Variants in GRIP2 observed in about 807,000 individuals in gnomAD.
GRIP2 encodes glutamate receptor-interacting protein 2.
Under a neutral mutation model 108.3 loss-of-function variants are expected in GRIP2, and 58 were observed. The ratio of observed to expected loss-of-function variants is 0.54; its 90% CI spans 0.43 to 0.67. GRIP2 has a LOEUF of 0.67. GRIP2 is among the 30% of genes least tolerant of loss of function. The probability of loss-of-function intolerance (pLI) is 0.00; values close to 1 mark genes in which losing one functional copy is unlikely to be tolerated. For synonymous variants in GRIP2, 586 were observed against 598.2 expected, an observed-to-expected ratio of 0.98 and a Z score of 0.30; for missense variants, 1,278 against 1,430.6, an observed-to-expected ratio of 0.89 and a Z score of 1.72.
the GRIP2 span, among the ~76,000 whole-genome samples, chr3:14,591,946 ATC>A: frequency 6.6e-6 from 1 of 152,232 alleles, no homozygotes; most frequent in African/African-American, 2.4e-5. Context: ...CTGTATCCAC[ATC>A]TGTCTGCTCT....
At chr3:14,569,629 G>A in the GRIP2 span, among the ~76,000 whole-genome samples, 1 of 152,144 alleles carries the variant, frequency 6.6e-6, no homozygotes, top group Non-Finnish European at 1.5e-5. Flanking sequence ...AGCCAGTGTG[G>A]GGGTGCTGCA....
intron 21 of GRIP2, among the ~76,000 whole-genome samples, chr3:14,502,028 A>T (rs1224126609): frequency 6.6e-6 from 1 of 152,190 alleles, no homozygotes; most frequent in Non-Finnish European, 1.5e-5. Context: ...TATATACTAG[A>T]ATTAAGTTTA....
chr3:14,580,630 C>T, the GRIP2 span, among the ~76,000 whole-genome samples: 2 of 152,164 alleles, frequency 1.3e-5, no homozygotes, highest in African/African-American at 4.8e-5. Flanking sequence ...TAGTTTGAGG[C>T]TGCAGTGAGC....
the GRIP2 span, among the ~76,000 whole-genome samples, chr3:14,598,163 C>T: frequency 6.6e-6 from 1 of 151,950 alleles, no homozygotes; most frequent in East Asian, 1.9e-4. Context: ...GGGCAATGAA[C>T]ATTCATGGCT....
upstream of GRIP2, chr3:14,540,365 C>T: frequency 1.2e-6 from 2 of 1,610,822 alleles, no homozygotes; most frequent in South Asian, 1.1e-5. This position sits in a 1 kb window ranked among gnomAD's most constrained non-coding sequence, Gnocchi z 4.1. Context: ...CGCTGCTTGG[C>T]CCTCCCTCCC....
At chr3:14,574,199 G>C in the GRIP2 span, 2 of 875,912 alleles carry the variant, frequency 2.3e-6, no homozygotes, top group Non-Finnish European at 2.0e-6. Context: ...GCCAGTGGGT[G>C]AAGAAGGGCC....
At chr3:14,556,710 T>G (rs1695241961), upstream of GRIP2, among the ~76,000 whole-genome samples, 1 of 152,186 alleles carries the variant, frequency 6.6e-6, no homozygotes, top group African/African-American at 2.4e-5. Flanking sequence ...TTTTGGGGAC[T>G]ATGTGTGAGT....
chr3:14,580,180 A>T, the GRIP2 span, among the ~76,000 whole-genome samples: 2 of 152,184 alleles, frequency 1.3e-5, no homozygotes, highest in African/African-American at 4.8e-5. Flanking sequence ...CTAAGCCAAC[A>T]CTCATTTACA....
Position 14,521,828 on chromosome 3 carries a change from C to A in GRIP2, c.567-41G>T. ...AGTCACCAGCCTGGCCCGGCAGCAGCACTGGGCACAGCCTGTCTGGGAGGG... is the reference window on the plus strand; with the variant it reads ...AGTCACCAGCCTGGCCCGGCAGCAGAACTGGGCACAGCCTGTCTGGGAGGG... On this transcript the variant is annotated intron_variant, in intron 6 of 23. Coordinates refer to ENST00000621039, the MANE Select transcript of GRIP2 (RefSeq NM_001080423.4). The surrounding 1 kb of genome is among the most constrained non-coding windows in gnomAD (Gnocchi z 5.1). 2 of 1,527,644 alleles carry A rather than the reference C, an allele frequency of 1.3e-6. No individual in the cohort carries two copies. The highest frequency in any genetic ancestry group is 2.0e-5 in the Admixed American group (1 of 49,732). 94.6% of individuals were successfully genotyped at this position (1,527,644 alleles called of 1,614,324 possible).
In GRIP2 at chr3:14,496,424, A is replaced by G; in HGVS notation, c.2816T>C (p.Met939Thr). 1.2e-6 allele frequency: 2 copies of G among 1,610,604 alleles called. No individual in the cohort carries two copies. The highest frequency in any genetic ancestry group is 8.5e-7 in the Non-Finnish European group (1 of 1,178,090). Reference sequence around the variant, plus strand: ...CTCACCCCCTGTGCCTACCTTGTGCATCTCCAAGGGTGTAGGCAGCAACAG... The same window carrying G: ...CTCACCCCCTGTGCCTACCTTGTGCGTCTCCAAGGGTGTAGGCAGCAACAG... ...EELLLPTPLE[M>T]HKVTLHKDPM... Residue 939 changes from methionine to threonine, a missense_variant, in exon 22 of 24, where the codon ATG (methionine) becomes ACG (threonine). Met to Thr is a moderately conservative substitution (Grantham distance 81, BLOSUM62 -1). Transcript: ENST00000621039.
At chr3:14,532,734 A>C (rs1694741189) in intron 1 of GRIP2, among the ~76,000 whole-genome samples, 3 of 151,218 alleles carry the variant, frequency 2.0e-5, no homozygotes, top group Admixed American at 2.0e-4. Flanking sequence ...GACTGACTTA[A>C]GGGCTGGGCG....
At chr3:14,524,316 C>G in intron 4 of GRIP2, 77 bp downstream of exon 4, 1 of 1,501,098 alleles carries the variant, frequency 6.7e-7, no homozygotes. Context: ...CCCTGCCACC[C>G]AGGCCCTGGT....
intron 21 of GRIP2, among the ~76,000 whole-genome samples, chr3:14,503,239 A>ATACACTCTGCAAATGTGCATGCAT (rs1341138313): frequency 4.0e-4 from 60 of 151,084 alleles, no homozygotes; most frequent in Non-Finnish European, 6.8e-4. Flanking sequence ...ATGTTCTGAA[A>ATACACTCTGCAAATGTGCATGCAT]TACACTCTGC....
the GRIP2 span, among the ~76,000 whole-genome samples, chr3:14,590,507 G>A: frequency 2.0e-5 from 3 of 152,066 alleles, no homozygotes; most frequent in East Asian, 1.9e-4. Context: ...CTGATACCCC[G>A]CCTTGCAGGG....
chr3:14,519,374 G>A (rs571012294), intron 9 of GRIP2, among the ~76,000 whole-genome samples: 1 of 152,340 alleles, frequency 6.6e-6, no homozygotes, highest in Admixed American at 6.5e-5. Flanking sequence ...ATAGGCCTGG[G>A]CTGTGCCTTG....
the GRIP2 span, among the ~76,000 whole-genome samples, chr3:14,569,381 G>A: frequency 2.0e-5 from 3 of 152,210 alleles, no homozygotes; most frequent in Non-Finnish European, 1.5e-5. Flanking sequence ...AGGAGAGAGG[G>A]CACATTTTCT....
intron 10 of GRIP2, 122 bp downstream of exon 10, chr3:14,517,650 C>T (rs917165495): frequency 5.4e-6 from 7 of 1,292,244 alleles, no homozygotes; most frequent in African/African-American, 3.0e-5. Flanking sequence ...CACAGGCGTG[C>T]ACCACCACAC....
chr3:14,597,128 G>A, the GRIP2 span, among the ~76,000 whole-genome samples: 2 of 152,296 alleles, frequency 1.3e-5, no homozygotes, highest in East Asian at 1.9e-4. Context: ...AGGCCCTGGG[G>A]TCCCCTTCAC....
At chr3:14,600,792 T>C in the GRIP2 span, among the ~76,000 whole-genome samples, 231 of 151,878 alleles carry the variant, frequency 1.5e-3, no homozygotes, top group African/African-American at 4.2e-3. Context: ...CGCGGGTGGA[T>C]ACACCAGCCA....
Sources: allele counts gnomAD v4.1 joint callset (sites outside exome capture counted in the v4.1 genomes callset), GRCh38; gene constraint gnomAD v4.1.1; non-coding constraint Gnocchi (gnomAD v3.1); transcripts MANE v1.5; gene names NCBI Gene and HGNC (gene_info 2026-07-23, HGNC 2026-07-21).